PRDM16: variants seen among roughly 807,000 people sequenced by gnomAD.
PRDM16 encodes the protein PR/SET domain 16.
Under a neutral mutation model 110.6 loss-of-function variants are expected in PRDM16, and 23 were observed. That is an observed-to-expected ratio of 0.21 (90% CI 0.15 to 0.29). The LOEUF (loss-of-function observed/expected upper bound fraction) is 0.29. Ranked by LOEUF, PRDM16 falls within the 10% of genes least tolerant of loss-of-function variation. The probability of loss-of-function intolerance (pLI) is 1.00; values close to 1 mark genes in which losing one functional copy is unlikely to be tolerated. For synonymous variants in PRDM16, 799 were observed against 781.8 expected (o/e 1.02, Z -0.37); for missense variants, 1,615 against 1,794.3 (o/e 0.90, Z 1.81).
chr1:3,286,673 C>T (rs982016087), intron 3 of PRDM16, among the ~76,000 whole-genome samples: 13 of 152,274 alleles, frequency 8.5e-5, no homozygotes, highest in Admixed American at 7.8e-4. Context: ...CCAAGTTCCT[C>T]CCACACCAAC....
intron 2 of PRDM16, among the ~76,000 whole-genome samples, chr1:3,230,551 T>C (rs1445730779): frequency 6.6e-6 from 1 of 152,256 alleles, no homozygotes; most frequent in Non-Finnish European, 1.5e-5. Flanking sequence ...GTGCTTCTCC[T>C]TGTTGGAAAA....
chr1:3,145,322 C>T lies in PRDM16; in HGVS notation c.38-40803C>T, dbSNP rs112064983. 6.4e-3 allele frequency among the ~76,000 whole-genome samples: 970 copies of T among 152,314 alleles called. 15 individuals carry two copies. Among genetic ancestry groups the T allele is most frequent in the African/African-American group, 0.022 (906 of 41,562 alleles). ...ACCATTGCCATGGGATACGGGGTGG[C>T]TCTTCAGGGGCCTGCAGCTGGCGAC... On this transcript the variant is annotated intron_variant, in intron 1 of 16. Transcript: ENST00000270722.
At chr1:3,085,058 G>T (rs762915392) in intron 1 of PRDM16, among the ~76,000 whole-genome samples, 1 of 152,128 alleles carries the variant, frequency 6.6e-6, no homozygotes, top group Non-Finnish European at 1.5e-5. Context: ...GTCCCCAGCC[G>T]CACCTCTCTG....
chr1:3,124,776 C>G (rs1282332206), intron 1 of PRDM16, among the ~76,000 whole-genome samples: 1 of 152,214 alleles, frequency 6.6e-6, no homozygotes, highest in Non-Finnish European at 1.5e-5. Context: ...ATGGGGGGAC[C>G]TCTATGCCCT....
At chr1:3,221,657 C>T (rs1019337197) in intron 2 of PRDM16, among the ~76,000 whole-genome samples, 5 of 152,204 alleles carry the variant, frequency 3.3e-5, no homozygotes, top group East Asian at 3.9e-4. Context: ...AATGCCTGCC[C>T]GGCCCTGAAA....
intron 3 of PRDM16, among the ~76,000 whole-genome samples, chr1:3,314,075 G>GT (rs1001083787): frequency 5.9e-5 from 9 of 151,344 alleles, no homozygotes; most frequent in Non-Finnish European, 1.0e-4. Flanking sequence ...CCCCACCGGG[G>GT]GGGGGGGCGG....
intron 1 of PRDM16, among the ~76,000 whole-genome samples, chr1:3,136,498 G>C (rs905366796): frequency 6.6e-6 from 1 of 152,176 alleles, no homozygotes; most frequent in African/African-American, 2.4e-5. Context: ...ATTACAGAGC[G>C]GGGAGAAGCC....
At chr1:3,288,936 G>A (rs1640914030) in intron 3 of PRDM16, among the ~76,000 whole-genome samples, 1 of 152,174 alleles carries the variant, frequency 6.6e-6, no homozygotes, top group South Asian at 2.1e-4. Context: ...AGCTTCAGAA[G>A]TTCCCTAGAG....
Position 3,255,434 on chromosome 1 carries a change from C to T in PRDM16, c.438+11297C>T, listed in dbSNP as rs1055093994. On this transcript the variant is annotated intron_variant, in intron 3 of 16. Coordinates refer to ENST00000270722, the MANE Select transcript of PRDM16 (RefSeq NM_022114.4). The surrounding 1 kb of genome is among the most constrained non-coding windows in gnomAD (Gnocchi z 4.7). Reference sequence around the variant, plus strand: ...GGGCTGCCCCCGACACTTCAGGAGCCCAGCCCATGATGGCACTGAGCTGTC... The same window carrying T: ...GGGCTGCCCCCGACACTTCAGGAGCTCAGCCCATGATGGCACTGAGCTGTC... 6.6e-6 allele frequency among the ~76,000 whole-genome samples: 1 copy of T among 152,164 alleles called. No individual in the cohort carries two copies. Among genetic ancestry groups the T allele is most frequent in the African/African-American group, 2.4e-5 (1 of 41,432 alleles).
chr1:3,383,742 T>C (rs953274920), intron 3 of PRDM16, among the ~76,000 whole-genome samples: 2 of 152,108 alleles, frequency 1.3e-5, no homozygotes, highest in African/African-American at 2.4e-5. Flanking sequence ...CTGTTTTCAC[T>C]TGGACAGGTC....
intron 1 of PRDM16, among the ~76,000 whole-genome samples, chr1:3,078,738 G>A (rs143384915): frequency 4.6e-5 from 7 of 152,340 alleles, no homozygotes; most frequent in Admixed American, 6.5e-5. Flanking sequence ...CGTGAGGAAC[G>A]GGCTCTGAAT....
intron 2 of PRDM16, among the ~76,000 whole-genome samples, chr1:3,198,511 G>A (rs1403545628): frequency 6.6e-6 from 1 of 152,242 alleles, no homozygotes; most frequent in Non-Finnish European, 1.5e-5. Flanking sequence ...GGCCCACCTG[G>A]AGTGCTTGGC....
chr1:3,424,275 G>A (rs190851608), intron 12 of PRDM16, among the ~76,000 whole-genome samples: 41 of 152,302 alleles, frequency 2.7e-4, no homozygotes, highest in African/African-American at 8.2e-4. Context: ...CTAGTTCTCA[G>A]CCCCGCTCTC....
chr1:3,090,443 C>A (rs768234435), intron 1 of PRDM16, among the ~76,000 whole-genome samples: 1 of 152,280 alleles, frequency 6.6e-6, no homozygotes, highest in Non-Finnish European at 1.5e-5. Flanking sequence ...TCTGAGCCTG[C>A]GCACACAGGC....
At chr1:3,151,308 T>A (rs1277813810) in intron 1 of PRDM16, among the ~76,000 whole-genome samples, 1 of 152,076 alleles carries the variant, frequency 6.6e-6, no homozygotes, top group Non-Finnish European at 1.5e-5. Context: ...ACGAGCAGGG[T>A]CCTTTTCGGG....
chr1:3,407,863 CCA>C (rs1163605107), intron 8 of PRDM16, among the ~76,000 whole-genome samples: 1 of 152,208 alleles, frequency 6.6e-6, no homozygotes, highest in Admixed American at 6.5e-5. Context: ...CGCTTCTTGT[CCA>C]CACACTCGGC....
intron 3 of PRDM16, among the ~76,000 whole-genome samples, chr1:3,312,551 G>A (rs1275248737): frequency 5.3e-5 from 8 of 152,336 alleles, no homozygotes; most frequent in Middle Eastern, 3.4e-3. Context: ...GAGCCCATCC[G>A]GATCCGGGGC....
In PRDM16 at chr1:3,399,625, C is replaced by T. The variant is rs146969181; in HGVS notation, c.676+3032C>T. ...ATGGTCACTGAAGTCGGCTCCATCA[C>T]GTCCAGGGCACCCTCCAAGGCCATT... On this transcript the variant is annotated intron_variant, in intron 5 of 16. Transcript: ENST00000270722. 4.9e-3 allele frequency among the ~76,000 whole-genome samples: 754 copies of T among 152,332 alleles called. 2 individuals carry two copies. Among genetic ancestry groups the T allele is most frequent in the Middle Eastern group, 0.02 (6 of 294 alleles).
At chr1:3,254,041 CT>C (rs1156773328) in intron 3 of PRDM16, among the ~76,000 whole-genome samples, 10 of 152,080 alleles carry the variant, frequency 6.6e-5, no homozygotes, top group African/African-American at 2.4e-4. Flanking sequence ...CCTTCACCCA[CT>C]TTTTGATGGG....
Sources: allele counts gnomAD v4.1 joint callset (sites outside exome capture counted in the v4.1 genomes callset), GRCh38; gene constraint gnomAD v4.1.1; non-coding constraint Gnocchi (gnomAD v3.1); transcripts MANE v1.5; gene names NCBI Gene and HGNC (gene_info 2026-07-23, HGNC 2026-07-21).